The following LUZP2 variants were observed in gnomAD, a reference collection of about 807,000 sequenced individuals.
LUZP2 encodes leucine zipper protein 2.
A neutral mutation model predicts 51.6 loss-of-function variants in LUZP2; 52 were observed. The ratio of observed to expected loss-of-function variants is 1.01; its 90% CI spans 0.81 to 1.27. LUZP2 has a LOEUF of 1.27. Ranked by LOEUF, LUZP2 falls within the 50% of genes most tolerant of loss-of-function variation. The pLI is 0.00. For synonymous variants in LUZP2, 154 were observed against 137.3 expected (o/e 1.12, Z -0.85); for missense variants, 436 against 395.4 (o/e 1.10, Z -0.87).
intron 4 of LUZP2, chr11:24,751,659 A>G (rs1318770952): frequency 4.2e-6 from 3 of 710,340 alleles, no homozygotes; most frequent in East Asian, 1.4e-4. Flanking sequence ...GACAGCAGCC[A>G]TCATTGGCCC....
intron 10 of LUZP2, among the ~76,000 whole-genome samples, chr11:25,056,723 C>T (rs961876847): frequency 5.3e-5 from 8 of 152,046 alleles, no homozygotes; most frequent in East Asian, 1.9e-4. Flanking sequence ...ATTATTAATC[C>T]GTTGGTCAGG....
At chr11:24,696,457 A>G (rs1857249716) in intron 1 of LUZP2, among the ~76,000 whole-genome samples, 1 of 152,088 alleles carries the variant, frequency 6.6e-6, no homozygotes, top group South Asian at 2.1e-4. Flanking sequence ...AGTTGCCACA[A>G]TTACCTATAT....
chr11:24,815,496 TA>T (rs1175776887), intron 5 of LUZP2, among the ~76,000 whole-genome samples: 2 of 152,152 alleles, frequency 1.3e-5, no homozygotes, highest in Non-Finnish European at 2.9e-5. Context: ...AAGTTACCAA[TA>T]AAAACAATTT....
At chr11:24,508,976 A>C (rs1321030226) in intron 1 of LUZP2, among the ~76,000 whole-genome samples, 1 of 152,110 alleles carries the variant, frequency 6.6e-6, no homozygotes, top group Admixed American at 6.6e-5. Context: ...GTTAGCAATA[A>C]AATTTTTGAT....
chr11:25,002,553 A>C (rs1856715160), intron 9 of LUZP2, among the ~76,000 whole-genome samples: 1 of 152,204 alleles, frequency 6.6e-6, no homozygotes, highest in Admixed American at 6.5e-5. Context: ...CGAGTAGTCC[A>C]GACAGTGAGA....
intron 5 of LUZP2, among the ~76,000 whole-genome samples, chr11:24,799,801 C>A (rs1485554560): frequency 6.6e-6 from 1 of 151,968 alleles, no homozygotes; most frequent in Non-Finnish European, 1.5e-5. Context: ...TAATTCCAGG[C>A]AGTGGAAGTT....
chr11:24,969,687 C>T (rs1393445788), intron 7 of LUZP2, among the ~76,000 whole-genome samples: 3 of 152,042 alleles, frequency 2.0e-5, no homozygotes, highest in African/African-American at 7.2e-5. Context: ...AATCAATTTT[C>T]AATTATTTAA....
At chr11:24,559,554 C>T (rs886506154) in intron 1 of LUZP2, among the ~76,000 whole-genome samples, 1 of 152,186 alleles carries the variant, frequency 6.6e-6, no homozygotes, top group African/African-American at 2.4e-5. Context: ...TATATTCTCA[C>T]ATCTTTTCCA....
intron 1 of LUZP2, among the ~76,000 whole-genome samples, chr11:24,572,758 A>C (rs1452795034): frequency 6.6e-6 from 1 of 152,030 alleles, no homozygotes; most frequent in East Asian, 1.9e-4. Context: ...TAGTTCTTAA[A>C]AAGGTCTAAT....
intron 1 of LUZP2, among the ~76,000 whole-genome samples, chr11:24,711,322 T>A (rs2029194): frequency 1.3e-5 from 2 of 151,564 alleles, no homozygotes; most frequent in East Asian, 3.9e-4. Flanking sequence ...TGGCGGCGGG[T>A]GCCTGCAGTC....
chr11:25,078,863 T>C lies in LUZP2; in HGVS notation c.*205T>C. On this transcript the variant is annotated 3_prime_UTR_variant, in exon 12 of 12. Transcript: ENST00000336930. The stretch of plus-strand genomic sequence containing the variant: ...ACCTCATTGAATTGAATACCCACAG[T>C]CAGAAATATTTTGTTGTCAACAGTA... 1 of 484,972 alleles carries C rather than the reference T, an allele frequency of 2.1e-6. No homozygotes were observed. Among genetic ancestry groups the C allele is most frequent in the East Asian group, 3.8e-5 (1 of 26,320 alleles). The allele number at this position is 484,972 out of a possible 1,614,324, so 30.0% of individuals were successfully genotyped here. A position where few individuals can be genotyped will look rare whatever the true frequency, so the allele number is the denominator to read the frequency against.
At chr11:25,055,146 G>T (rs1013436526) in intron 10 of LUZP2, among the ~76,000 whole-genome samples, 1 of 147,218 alleles carries the variant, frequency 6.8e-6, no homozygotes, top group African/African-American at 2.4e-5. Flanking sequence ...GAGTAGCTGG[G>T]ACTACAGGTG....
intron 1 of LUZP2, among the ~76,000 whole-genome samples, chr11:24,549,779 G>C (rs1442284581): frequency 6.6e-6 from 1 of 151,928 alleles, no homozygotes; most frequent in African/African-American, 2.4e-5. Flanking sequence ...TAGATAATTT[G>C]AATGAGACAA....
intron 7 of LUZP2, among the ~76,000 whole-genome samples, chr11:24,938,944 G>A (rs1854666225): frequency 6.6e-6 from 1 of 151,844 alleles, no homozygotes. Context: ...TCTCGGAGAG[G>A]GCTTGAGATT....
At chr11:24,567,941 C>T (rs1852295566) in intron 1 of LUZP2, among the ~76,000 whole-genome samples, 1 of 152,002 alleles carries the variant, frequency 6.6e-6, no homozygotes, top group African/African-American at 2.4e-5. Context: ...ACAATATTTA[C>T]ATATTTTCTT....
intron 1 of LUZP2, among the ~76,000 whole-genome samples, chr11:24,704,462 T>C (rs1289697050): frequency 6.6e-6 from 1 of 150,602 alleles, no homozygotes; most frequent in Non-Finnish European, 1.5e-5. Flanking sequence ...AAAAACAGGA[T>C]TACGGAGGAG....
At chr11:24,989,880 T>C (rs888585140) in intron 9 of LUZP2, among the ~76,000 whole-genome samples, 3 of 152,158 alleles carry the variant, frequency 2.0e-5, no homozygotes, top group Admixed American at 1.3e-4. Flanking sequence ...TTGTTTTTTT[T>C]CTATACTAGT....
rs1405785384 is a variant in LUZP2, at chr11:24,729,267, G to A, written c.161G>A (p.Gly54Glu). The A allele has an allele frequency of 6.5e-7, 1 of 1,539,788 alleles. No homozygotes were observed. The highest frequency in any genetic ancestry group is 8.9e-7 in the Non-Finnish European group (1 of 1,129,324). Residue 54 changes from glycine to glutamate, a missense_variant, in exon 2 of 12, where the codon GGA (glycine) becomes GAA (glutamate). Transcript: ENST00000336930. The part of the protein sequence containing the change: ...QLTKTSRELD[G>E]IKVNLQSLKN... ...ACAAAGACATCAAGAGAACTTGATG[G>A]AATTAAAGTCAATCTTCAGGTGAGA...
In LUZP2 at chr11:24,852,398, C is replaced by G. The variant is rs551301767; in HGVS notation, c.397-53593C>G. Among the ~76,000 whole-genome samples, 14 of 152,304 alleles carry G rather than the reference C, an allele frequency of 9.2e-5. No homozygotes were observed. The South Asian group carries it at 2.9e-3, about 32-fold the overall frequency. On this transcript the variant is annotated intron_variant, in intron 5 of 11. Coordinates refer to ENST00000336930, the MANE Select transcript of LUZP2 (RefSeq NM_001009909.4). ...CATTCAGGAGCAGGTTGTTCAGTTT[C>G]CACGTACTTGTGCAGTTTTGAGTGA...
Sources: gnomAD v4.1 joint callset for allele counts (sites outside exome capture counted in the v4.1 genomes callset) on GRCh38, gnomAD v4.1.1 for gene constraint, MANE v1.5 for transcripts, NCBI Gene and HGNC (gene_info 2026-07-23, HGNC 2026-07-21) for gene names.